ST6GALNAC5: variants seen among roughly 807,000 people sequenced by gnomAD.
ST6GALNAC5 encodes the protein alpha-N-acetylgalactosaminide alpha-2,6-sialyltransferase 5.
In ST6GALNAC5, 27 loss-of-function variants were observed where a neutral mutation model predicts 33.6. That is an observed-to-expected ratio of 0.80 (90% confidence interval 0.59 to 1.11). The LOEUF (loss-of-function observed/expected upper bound fraction) is 1.11. Ranked by LOEUF, ST6GALNAC5 falls within the 50% of genes least tolerant of loss-of-function variation. ST6GALNAC5 has a pLI of 0.00. For synonymous variants in ST6GALNAC5, 194 were observed against 171.2 expected (o/e 1.13, Z -1.04); for missense variants, 428 against 454.0 (o/e 0.94, Z 0.52).
At chr1:76,877,710 A>T (rs528987893) in intron 2 of ST6GALNAC5, among the ~76,000 whole-genome samples, 1 of 152,362 alleles carries the variant, frequency 6.6e-6, no homozygotes, top group East Asian at 1.9e-4. Context: ...AATCAGCATG[A>T]TGTCATTAAT....
chr1:77,052,195 C>T (rs1363942757), intron 4 of ST6GALNAC5, among the ~76,000 whole-genome samples: 4 of 152,180 alleles, frequency 2.6e-5, no homozygotes, highest in Admixed American at 1.3e-4. Context: ...ACCCCTACGC[C>T]CAAGTTCTGT....
chr1:77,021,534 C>A (rs1651054490), intron 2 of ST6GALNAC5, among the ~76,000 whole-genome samples: 1 of 152,150 alleles, frequency 6.6e-6, no homozygotes, highest in African/African-American at 2.4e-5. Flanking sequence ...TCCCATCCAC[C>A]TTAAGATAAG....
chr1:77,005,023 G>T (rs1455156226), intron 2 of ST6GALNAC5, among the ~76,000 whole-genome samples: 1 of 151,210 alleles, frequency 6.6e-6, no homozygotes, highest in African/African-American at 2.4e-5. Flanking sequence ...GCTCCACCCA[G>T]TTCGAGCTTC....
intron 2 of ST6GALNAC5, among the ~76,000 whole-genome samples, chr1:76,956,520 C>T (rs1452313977): frequency 6.6e-6 from 1 of 152,130 alleles, no homozygotes. Flanking sequence ...TCCAACTTCC[C>T]TCCTCCCCTA....
intron 2 of ST6GALNAC5, among the ~76,000 whole-genome samples, chr1:76,980,165 A>G (rs1036640681): frequency 2.6e-5 from 4 of 152,144 alleles, no homozygotes; most frequent in Non-Finnish European, 5.9e-5. Context: ...ATGAATTTCC[A>G]TAAGTCCTGC....
At chr1:76,882,544 G>A (rs1314500635) in intron 2 of ST6GALNAC5, among the ~76,000 whole-genome samples, 1 of 152,154 alleles carries the variant, frequency 6.6e-6, no homozygotes, top group Non-Finnish European at 1.5e-5. Flanking sequence ...TACAGCTCTT[G>A]AAAAGGAAAC....
At chr1:76,965,185 T>A (rs1276674387) in intron 2 of ST6GALNAC5, among the ~76,000 whole-genome samples, 1 of 150,142 alleles carries the variant, frequency 6.7e-6, no homozygotes, top group Non-Finnish European at 1.5e-5. Flanking sequence ...ATTGCCACAC[T>A]GTCTTCCGCA....
At chr1:76,994,851 A>G (rs1484758037) in intron 2 of ST6GALNAC5, among the ~76,000 whole-genome samples, 1 of 152,152 alleles carries the variant, frequency 6.6e-6, no homozygotes, top group Non-Finnish European at 1.5e-5. Context: ...GCCCCTGTAG[A>G]ATTATGGGCT....
In ST6GALNAC5 at chr1:76,946,392, T is replaced by C. The variant is rs144795263; in HGVS notation, c.261+77650T>C. Among the ~76,000 whole-genome samples, 8 of 152,216 alleles carry C rather than the reference T, an allele frequency of 5.3e-5. No individual in the cohort carries two copies. The East Asian group carries it at 1.5e-3, about 29-fold the overall frequency. On this transcript the variant is annotated intron_variant, in intron 2 of 4. Coordinates refer to ENST00000477717, the MANE Select transcript of ST6GALNAC5 (RefSeq NM_030965.3). ...TATTTGACAAAGTAGAAAATAGAGT[T>C]ATGGTGCTGTTTTAAAAGAACTGGG...
chr1:77,026,840 A>AAC (rs1651258974), intron 2 of ST6GALNAC5, among the ~76,000 whole-genome samples: 1 of 146,940 alleles, frequency 6.8e-6, no homozygotes, highest in Non-Finnish European at 1.5e-5. Flanking sequence ...AATGAATGAA[A>AAC]ATGTGTTAGG....
chr1:76,894,917 A>T (rs1409823777), intron 2 of ST6GALNAC5, among the ~76,000 whole-genome samples: 2 of 152,158 alleles, frequency 1.3e-5, no homozygotes, highest in African/African-American at 4.8e-5. Context: ...CAGTCAGTGA[A>T]GGGAGATAAG....
chr1:76,884,202 T>TGCAACAG (rs769495778), intron 2 of ST6GALNAC5, among the ~76,000 whole-genome samples: 8 of 152,200 alleles, frequency 5.3e-5, no homozygotes, highest in Non-Finnish European at 1.0e-4. Context: ...CCTGTGTCTG[T>TGCAACAG]GCAGACAGTC....
intron 2 of ST6GALNAC5, among the ~76,000 whole-genome samples, chr1:77,008,379 A>C (rs764876267): frequency 5.3e-5 from 8 of 152,192 alleles, no homozygotes; most frequent in Non-Finnish European, 1.0e-4. Context: ...CAAATGACTT[A>C]ACCTCTCTGA....
intron 2 of ST6GALNAC5, among the ~76,000 whole-genome samples, chr1:76,876,277 G>T (rs1235533399): frequency 6.6e-6 from 1 of 152,150 alleles, no homozygotes; most frequent in Non-Finnish European, 1.5e-5. Flanking sequence ...GCACTCAGCA[G>T]TGGCCATAGC....
chr1:76,929,511 C>T (rs1400933808), intron 2 of ST6GALNAC5, among the ~76,000 whole-genome samples: 1 of 152,078 alleles, frequency 6.6e-6, no homozygotes, highest in Non-Finnish European at 1.5e-5. Context: ...TGCACTGCAG[C>T]CTGGGCAATA....
chr1:77,030,510 G>C (rs190009736), intron 2 of ST6GALNAC5, among the ~76,000 whole-genome samples: 1 of 152,032 alleles, frequency 6.6e-6, no homozygotes, highest in Non-Finnish European at 1.5e-5. Context: ...TTTTATTGTC[G>C]TCGTCAATAG....
chr1:77,055,127 T>C (rs1386809426), intron 4 of ST6GALNAC5, among the ~76,000 whole-genome samples: 1 of 151,950 alleles, frequency 6.6e-6, no homozygotes, highest in Non-Finnish European at 1.5e-5. Flanking sequence ...CACTTAAAAC[T>C]CCTCAGTGAC....
chr1:76,990,834 G>C (rs376597119), intron 2 of ST6GALNAC5, among the ~76,000 whole-genome samples: 2 of 152,294 alleles, frequency 1.3e-5, no homozygotes. Context: ...GGTTGAGAGA[G>C]AGTAGCCAAG....
At chr1:76,885,266 G>A (rs572039153) in intron 2 of ST6GALNAC5, among the ~76,000 whole-genome samples, 6 of 152,082 alleles carry the variant, frequency 3.9e-5, no homozygotes, top group Non-Finnish European at 7.4e-5. Flanking sequence ...AGAAATCCAG[G>A]ATGCTAGTTT....
Sources: allele counts gnomAD v4.1 joint callset (sites outside exome capture counted in the v4.1 genomes callset), GRCh38; gene constraint gnomAD v4.1.1; transcripts MANE v1.5; gene names NCBI Gene and HGNC (gene_info 2026-07-23, HGNC 2026-07-21).